The following CSF1R variants were observed in gnomAD, a reference collection of about 807,000 sequenced individuals.
CSF1R encodes colony stimulating factor 1 receptor.
CSF1R carries 40 observed loss-of-function variants against 110.0 expected under a neutral mutation model. That is an observed-to-expected ratio of 0.36 (90% CI 0.28 to 0.47). The LOEUF is 0.47. CSF1R is among the 20% of genes least tolerant of loss of function. The pLI, the probability that CSF1R is intolerant of heterozygous loss-of-function variation, is 0.99. For synonymous variants in CSF1R, 523 were observed against 503.4 expected (o/e 1.04, Z -0.52); for missense variants, 1,052 against 1,253.0 (o/e 0.84, Z 2.42).
chr5:150,074,751 C>T lies in CSF1R; in HGVS notation c.890-1258G>A, dbSNP rs931004465. 3.9e-5 allele frequency among the ~76,000 whole-genome samples: 6 copies of T among 152,156 alleles called. No individual in the cohort carries two copies. In the East Asian group the frequency reaches 9.6e-4, roughly 24 times the overall value. ...TCTACTCAAAAGCCCTCTATGGAGT[C>T]CCATTGCCTCCATTATTCAGCGTGG... is the stretch of plus-strand genomic sequence containing the variant. On this transcript the variant is annotated intron_variant, in intron 5 of 20. Transcript: ENST00000675795.
In CSF1R at chr5:150,054,168, A is replaced by ACTG. The variant is rs752687225; in HGVS notation, c.2817_2819dup (p.Ser940dup). On this transcript the variant is annotated inframe_insertion, in exon 21 of 21. Coordinates refer to ENST00000675795, the MANE Select transcript of CSF1R (RefSeq NM_001288705.3). ...CACTAGAGCTCTCCTCCTCCAGCTC[A>ACTG]CTGCTGCTGCTGCCGCTGCCACCGC... The ACTG allele has an allele frequency of 1.2e-6, 2 of 1,612,810 alleles. No homozygotes were observed. The highest frequency in any genetic ancestry group is 4.5e-5 in the East Asian group (2 of 44,812).
At chr5:150,099,880 A>T (rs540841228) in intron 1 of CSF1R, among the ~76,000 whole-genome samples, 1 of 152,324 alleles carries the variant, frequency 6.6e-6, no homozygotes, top group Non-Finnish European at 1.5e-5. Flanking sequence ...TGTAAATTAA[A>T]TTTTCATAAA....
At position 150,057,311 on chromosome 5, in the gene CSF1R, G is replaced by T; in HGVS notation, c.2295C>A (p.Gly765=). 2 of 1,613,794 alleles carry T rather than the reference G, an allele frequency of 1.2e-6. No homozygotes were observed. The highest frequency in any genetic ancestry group is 2.2e-5 in the East Asian group (1 of 44,874). ...LLHFSSQVAQ[G]MAFLASKNCI... is the part of the protein sequence containing the mutation. Reference sequence around the variant, plus strand: ...CATTCTTGGAAGCGAGGAAGGCCATGCCCTGGGCTACTTGGCTGGAGAAGT... The same window carrying T: ...CATTCTTGGAAGCGAGGAAGGCCATTCCCTGGGCTACTTGGCTGGAGAAGT... Residue 765 remains glycine (G), a synonymous_variant, in exon 16 of 21, where the codon GGC becomes GGA. Transcript: ENST00000675795.
chr5:150,081,538 G>C (rs73275671), intron 1 of CSF1R, among the ~76,000 whole-genome samples: 1 of 152,112 alleles, frequency 6.6e-6, no homozygotes, highest in Non-Finnish European at 1.5e-5. Context: ...TGGTGTGCCC[G>C]CTCCCACCAA....
chr5:150,061,365 C>T, intron 12 of CSF1R, 126 bp downstream of exon 12: 1 of 828,868 alleles, frequency 1.2e-6, no homozygotes, highest in South Asian at 1.8e-5. Flanking sequence ...AGTCCTCACC[C>T]CTGAGCTCTG....
chr5:150,081,162 C>G (rs1726833562), intron 1 of CSF1R, 138 bp from the exon 2 acceptor site: 1 of 938,230 alleles, frequency 1.1e-6, no homozygotes, highest in African/African-American at 1.6e-5. Flanking sequence ...GCCCCTGCCC[C>G]CTGGTCATTT....
At chr5:150,077,115 C>T (rs1227235548) in intron 5 of CSF1R, 161 bp downstream of exon 5, 11 of 867,660 alleles carry the variant, frequency 1.3e-5, no homozygotes, top group Non-Finnish European at 1.7e-5. Flanking sequence ...TAAGGGAAAG[C>T]TCCTGGAGAG....
intron 1 of CSF1R, among the ~76,000 whole-genome samples, chr5:150,096,263 A>G (rs996928020): frequency 2.6e-5 from 4 of 152,060 alleles, no homozygotes. Flanking sequence ...GGTGGCAGGC[A>G]CCTGTAATCC....
intron 10 of CSF1R, among the ~76,000 whole-genome samples, chr5:150,062,564 G>T (rs1561914906): frequency 8.6e-6 from 1 of 115,666 alleles, no homozygotes; most frequent in African/African-American, 3.1e-5. Context: ...TGTCTTCAAG[G>T]TTCATTCATG....
Position 150,084,382 on chromosome 5 carries a change from AGAAAGAAAGAAGGAAGGAAG to A in CSF1R, c.49+1977_49+1996del, listed in dbSNP as rs1420374748. ...AAGAAAGAAAGAAAGAAAGAAAGAA[AGAAAGAAAGAAGGAAGGAAG>A]GAAGGAAGGAAGGAAGGAAGGAAGG... is the stretch of plus-strand genomic sequence containing the variant. On this transcript the variant is annotated intron_variant, in intron 1 of 20. Transcript: ENST00000675795. Among the ~76,000 whole-genome samples the A allele has an allele frequency of 6.0e-3, 294 of 48,984 alleles. 1 individual carries two copies. The highest frequency in any genetic ancestry group is 9.3e-3 in the African/African-American group (70 of 7,556). The allele number at this position is 48,984 out of a possible 152,430, so 32.1% of individuals were successfully genotyped here. A position where few individuals can be genotyped will look rare whatever the true frequency, so the allele number is the denominator to read the frequency against.
intron 1 of CSF1R, among the ~76,000 whole-genome samples, chr5:150,099,692 C>A (rs997637967): frequency 1.0e-4 from 12 of 119,664 alleles, no homozygotes; most frequent in African/African-American, 3.8e-4. Flanking sequence ...GAAAATAGAT[C>A]ATTGGCTGCC....
chr5:150,109,401 G>A (rs889291865), intron 1 of CSF1R, among the ~76,000 whole-genome samples: 6 of 152,200 alleles, frequency 3.9e-5, no homozygotes, highest in Non-Finnish European at 4.4e-5. Context: ...CGGGTGGGAT[G>A]CCCTGTCTAG....
chr5:150,103,879 A>G (rs971092711), intron 1 of CSF1R, among the ~76,000 whole-genome samples: 2 of 152,140 alleles, frequency 1.3e-5, no homozygotes, highest in African/African-American at 4.8e-5. Context: ...CCAGGGCTTG[A>G]TCCTATAGGC....
intron 1 of CSF1R, among the ~76,000 whole-genome samples, chr5:150,108,966 A>G (rs904336354): frequency 1.1e-4 from 17 of 151,734 alleles, no homozygotes; most frequent in African/African-American, 4.1e-4. Flanking sequence ...CCCTCGCCAG[A>G]CCCCTACACA....
chr5:150,074,482 T>C (rs2113818026), intron 5 of CSF1R, among the ~76,000 whole-genome samples: 1 of 152,042 alleles, frequency 6.6e-6, no homozygotes, highest in East Asian at 1.9e-4. Context: ...TACTAACTAG[T>C]TTCTCCTAAT....
At chr5:150,108,608 C>T (rs1042971882) in intron 1 of CSF1R, among the ~76,000 whole-genome samples, 1 of 152,182 alleles carries the variant, frequency 6.6e-6, no homozygotes, top group African/African-American at 2.4e-5. Context: ...GGAAGCTTCC[C>T]TCTTGTCTCT....
At chr5:150,091,311 G>A (rs1300548296), upstream of CSF1R, among the ~76,000 whole-genome samples, 1 of 152,114 alleles carries the variant, frequency 6.6e-6, no homozygotes, top group African/African-American at 2.4e-5. Flanking sequence ...GGAAAACAGG[G>A]ACCCAAATAA....
upstream of CSF1R, among the ~76,000 whole-genome samples, chr5:150,087,229 G>T (rs541985912): frequency 6.6e-6 from 1 of 152,230 alleles, no homozygotes; most frequent in Admixed American, 6.5e-5. Context: ...TACATCTGGG[G>T]TCAGAAGTAT....
chr5:150,085,286 A>AAAAAAAAAAAAC (rs762504061), intron 1 of CSF1R, among the ~76,000 whole-genome samples: 37 of 148,712 alleles, frequency 2.5e-4, no homozygotes, highest in Non-Finnish European at 4.9e-4. Flanking sequence ...GGAAAAAAAA[A>AAAAAAAAAAAAC]AAAAAAACCC....
Sources: gnomAD v4.1 joint callset for allele counts (sites outside exome capture counted in the v4.1 genomes callset) on GRCh38, gnomAD v4.1.1 for gene constraint, MANE v1.5 for transcripts, NCBI Gene and HGNC (gene_info 2026-07-23, HGNC 2026-07-21) for gene names.